Variants in NAALADL2 observed in about 807,000 individuals in gnomAD.
NAALADL2 encodes the protein inactive N-acetylated-alpha-linked acidic dipeptidase-like protein 2.
NAALADL2 carries 76 observed loss-of-function variants against 87.2 expected under a neutral mutation model. That is an observed-to-expected ratio of 0.87 (90% CI 0.72 to 1.05). The LOEUF is 1.05. Ranked by LOEUF, NAALADL2 falls within the 50% of genes least tolerant of loss-of-function variation. NAALADL2 has a pLI of 0.00. For synonymous variants in NAALADL2, 354 were observed against 331.0 expected, an observed-to-expected ratio of 1.07 and a Z score of -0.75; for missense variants, 1,089 against 945.8, an observed-to-expected ratio of 1.15 and a Z score of -1.99.
intron 11 of NAALADL2, among the ~76,000 whole-genome samples, chr3:175,631,649 T>C (rs1727784188): frequency 6.6e-6 from 1 of 151,930 alleles, no homozygotes; most frequent in African/African-American, 2.4e-5. Context: ...TGAAGATGTT[T>C]TTCTTATCTC....
chr3:174,463,820 T>G (rs1471239144), intron 1 of NAALADL2, among the ~76,000 whole-genome samples: 2 of 152,092 alleles, frequency 1.3e-5, no homozygotes, highest in African/African-American at 4.8e-5. Context: ...CAGGATGGTC[T>G]TGATCTCGAC....
intron 2 of NAALADL2, among the ~76,000 whole-genome samples, chr3:175,174,408 CTTA>C (rs1735366283): frequency 6.6e-6 from 1 of 151,968 alleles, no homozygotes. Flanking sequence ...GCATTTTCAT[CTTA>C]TTTGAAAAGC....
At chr3:174,560,070 A>G (rs930084708) in intron 2 of NAALADL2, among the ~76,000 whole-genome samples, 1 of 152,158 alleles carries the variant, frequency 6.6e-6, no homozygotes, top group Admixed American at 6.5e-5. Flanking sequence ...TAGAATTTTA[A>G]GTTTTAGATA....
At chr3:175,159,971 G>T (rs148602228) in intron 2 of NAALADL2, among the ~76,000 whole-genome samples, 4 of 151,492 alleles carry the variant, frequency 2.6e-5, no homozygotes, top group African/African-American at 9.7e-5. Context: ...CTAGTAGCTG[G>T]GATTACAGGC....
intron 4 of NAALADL2, among the ~76,000 whole-genome samples, chr3:175,307,010 T>C (rs1468698424): frequency 6.6e-6 from 1 of 152,164 alleles, no homozygotes; most frequent in Non-Finnish European, 1.5e-5. Flanking sequence ...GAATTGGAAA[T>C]GCAAAGACAG....
intron 2 of NAALADL2, among the ~76,000 whole-genome samples, chr3:175,119,391 C>T (rs1260476736): frequency 2.0e-5 from 3 of 151,224 alleles, no homozygotes. Flanking sequence ...AATAATATTC[C>T]AGGTATATGG....
intron 1 of NAALADL2, among the ~76,000 whole-genome samples, chr3:175,078,052 T>C (rs1716967975): frequency 6.6e-6 from 1 of 150,978 alleles, no homozygotes; most frequent in Non-Finnish European, 1.5e-5. Flanking sequence ...CTTGAGACAA[T>C]CTCACTCCGT....
intron 13 of NAALADL2, among the ~76,000 whole-genome samples, chr3:175,767,365 T>A (rs1190671348): frequency 6.6e-6 from 1 of 152,168 alleles, no homozygotes; most frequent in Admixed American, 6.6e-5. Flanking sequence ...ATTGATATAA[T>A]CCTTAAAAAA....
intron 2 of NAALADL2, among the ~76,000 whole-genome samples, chr3:175,208,561 T>C (rs1741300788): frequency 6.6e-6 from 1 of 152,132 alleles, no homozygotes; most frequent in Non-Finnish European, 1.5e-5. Flanking sequence ...TCAACTCTGT[T>C]ACGAAGTGGA....
chr3:174,851,544 C>T (rs114806016), intron 3 of NAALADL2, among the ~76,000 whole-genome samples: 1 of 151,786 alleles, frequency 6.6e-6, no homozygotes, highest in Non-Finnish European at 1.5e-5. Flanking sequence ...CTAGACATGT[C>T]CAACCTACCA....
At chr3:174,793,574 C>G (rs890579217) in intron 3 of NAALADL2, among the ~76,000 whole-genome samples, 4 of 152,130 alleles carry the variant, frequency 2.6e-5, no homozygotes, top group African/African-American at 9.6e-5. Flanking sequence ...TTGTATGGTA[C>G]TTCTGAATGA....
At chr3:174,757,587 G>A (rs1712287240) in intron 3 of NAALADL2, among the ~76,000 whole-genome samples, 1 of 152,042 alleles carries the variant, frequency 6.6e-6, no homozygotes, top group Non-Finnish European at 1.5e-5. Context: ...CGCCTCCTGG[G>A]TTCCAGCGAT....
intron 2 of NAALADL2, among the ~76,000 whole-genome samples, chr3:174,674,946 G>C (rs1317532258): frequency 6.6e-6 from 1 of 151,974 alleles, no homozygotes. Flanking sequence ...AGTAGTCTTA[G>C]ATAAGAAAAT....
chr3:175,589,448 C>CCTTCCTTT (rs1721046127), intron 10 of NAALADL2, among the ~76,000 whole-genome samples: 5 of 151,804 alleles, frequency 3.3e-5, no homozygotes, highest in Admixed American at 3.3e-4. Context: ...TTCCTTTCTT[C>CCTTCCTTT]CTTCCTTTCT....
At chr3:174,556,459 T>C (rs1036088329) in intron 2 of NAALADL2, among the ~76,000 whole-genome samples, 1 of 152,144 alleles carries the variant, frequency 6.6e-6, no homozygotes, top group Non-Finnish European at 1.5e-5. Flanking sequence ...TTTTTTCTTT[T>C]GCTTGCTTCC....
chr3:175,005,515 C>G (rs1318176130), intron 1 of NAALADL2, among the ~76,000 whole-genome samples: 2 of 152,078 alleles, frequency 1.3e-5, no homozygotes, highest in East Asian at 1.9e-4. Flanking sequence ...CTGAAACATA[C>G]TAGGAGCTCA....
intron 12 of NAALADL2, among the ~76,000 whole-genome samples, chr3:175,753,792 A>G (rs2150129621): frequency 6.6e-6 from 1 of 152,226 alleles, no homozygotes; most frequent in South Asian, 2.1e-4. Flanking sequence ...TCCTTTTGTG[A>G]TGTTTCCCTT....
intron 1 of NAALADL2, among the ~76,000 whole-genome samples, chr3:174,881,096 A>G (rs1362106690): frequency 6.6e-6 from 1 of 152,084 alleles, no homozygotes; most frequent in Non-Finnish European, 1.5e-5. Flanking sequence ...CTCATGTCAG[A>G]TCCTTTATTA....
At chr3:175,064,183 G>A (rs1325140228) in intron 1 of NAALADL2, among the ~76,000 whole-genome samples, 3 of 151,332 alleles carry the variant, frequency 2.0e-5, no homozygotes, top group African/African-American at 7.3e-5. Flanking sequence ...TGAAGATGGT[G>A]GTATTGTTGG....
Sources: allele counts gnomAD v4.1 joint callset (sites outside exome capture counted in the v4.1 genomes callset), GRCh38; gene constraint gnomAD v4.1.1; transcripts MANE v1.5; gene names NCBI Gene and HGNC (gene_info 2026-07-23, HGNC 2026-07-21).